Variants in CPQ observed in about 807,000 individuals in gnomAD.
CPQ encodes carboxypeptidase Q, also known as Ser-Met dipeptidase.
Under a neutral mutation model 45.7 loss-of-function variants are expected in CPQ, and 37 were observed. The observed-to-expected ratio is 0.81, with a 90% CI of 0.62 to 1.07. The LOEUF (loss-of-function observed/expected upper bound fraction) is 1.07, where lower values mean the gene tolerates loss of function less well. Among genes scored for constraint, CPQ ranks in the 50% least tolerant of loss-of-function variants. The pLI, the probability that CPQ is intolerant of heterozygous loss-of-function variation, is 0.00. For synonymous variants in CPQ, 186 were observed against 205.8 expected (o/e 0.90, Z 0.82); for missense variants, 537 against 572.9 (o/e 0.94, Z 0.64).
chr8:97,042,479 A>G (rs935846877), intron 6 of CPQ, among the ~76,000 whole-genome samples: 68 of 151,896 alleles, frequency 4.5e-4, no homozygotes, highest in African/African-American at 1.5e-3. Context: ...TTGTGTCTCT[A>G]TTTCCTTCAG....
chr8:96,941,467 G>C (rs1381659977), intron 4 of CPQ, among the ~76,000 whole-genome samples: 3 of 152,094 alleles, frequency 2.0e-5, no homozygotes, highest in Non-Finnish European at 2.9e-5. Flanking sequence ...TATTGCCCTA[G>C]TTTGCACTCT....
intron 7 of CPQ, 98 bp from the exon 8 acceptor site, chr8:97,142,922 T>G (rs1423375501): frequency 8.9e-7 from 1 of 1,124,062 alleles, no homozygotes; most frequent in African/African-American, 1.6e-5. Context: ...TATTGCAGAC[T>G]GTATAATAGG....
At chr8:97,000,649 G>T (rs1362653167) in intron 5 of CPQ, among the ~76,000 whole-genome samples, 1 of 152,018 alleles carries the variant, frequency 6.6e-6, no homozygotes, top group East Asian at 1.9e-4. Flanking sequence ...GTAGCCTGTA[G>T]CATAGTTTGA....
At chr8:96,905,537 G>A (rs1375634835) in intron 4 of CPQ, among the ~76,000 whole-genome samples, 2 of 152,148 alleles carry the variant, frequency 1.3e-5, no homozygotes, top group East Asian at 3.9e-4. Flanking sequence ...GGAGAGGTGT[G>A]TGAAGAAAGC....
chr8:96,663,243 T>C (rs1244965596), intron 1 of CPQ, among the ~76,000 whole-genome samples: 1 of 152,210 alleles, frequency 6.6e-6, no homozygotes, highest in Non-Finnish European at 1.5e-5. Context: ...AATGGGAGGC[T>C]GTGTGCTGGC....
intron 1 of CPQ, among the ~76,000 whole-genome samples, chr8:96,656,416 G>A (rs1334156494): frequency 6.6e-6 from 1 of 152,126 alleles, no homozygotes; most frequent in Non-Finnish European, 1.5e-5. Flanking sequence ...CTGGCTGGGT[G>A]GTACTACTTT....
chr8:96,718,337 TC>T (rs2130760165), intron 1 of CPQ, among the ~76,000 whole-genome samples: 2 of 152,290 alleles, frequency 1.3e-5, no homozygotes, highest in East Asian at 3.9e-4. Context: ...TGGAGTTTTT[TC>T]CTTCTGATGT....
intron 1 of CPQ, among the ~76,000 whole-genome samples, chr8:96,776,973 G>T (rs1009333046): frequency 3.3e-5 from 5 of 152,074 alleles, no homozygotes; most frequent in African/African-American, 7.2e-5. Flanking sequence ...TCAACCTTTT[G>T]TTTATAAGAA....
In CPQ at chr8:96,835,091, G is replaced by A. The variant is rs1274003972; in HGVS notation, c.552G>A (p.Val184=). The change falls in exon 3 of 8, where the codon GTG becomes GTA. Residue 184 remains valine (V), a synonymous_variant. Transcript: ENST00000220763. ...NQPYINYSRT[V]QYRTQGAVEA... ...CTTACATCAACTACTCAAGGACGGT[G>A]CAATACCGAACGCAGGGGGCGGTGG... 6.2e-7 allele frequency: 1 copy of A among 1,607,982 alleles called. No homozygotes were observed. Among genetic ancestry groups the A allele is most frequent in the Non-Finnish European group, 8.5e-7 (1 of 1,177,062 alleles).
chr8:97,106,733 G>C (rs111543043), intron 7 of CPQ, among the ~76,000 whole-genome samples: 29 of 152,222 alleles, frequency 1.9e-4, no homozygotes, highest in East Asian at 3.9e-4. Context: ...CAGATGGATC[G>C]CAAGTGAGTG....
chr8:97,134,210 C>G (rs1226427225), intron 7 of CPQ, among the ~76,000 whole-genome samples: 1 of 152,234 alleles, frequency 6.6e-6, no homozygotes. Context: ...TAAGCATCCA[C>G]TAAGTGCCAG....
rs147928579 is a variant in CPQ, at chr8:96,679,620, G to C, written c.-35+34218G>C. On this transcript the variant is annotated intron_variant, in intron 1 of 7. Transcript: ENST00000220763. Reference sequence around the variant, plus strand: ...AATTTTTATTCTGCTCAGGCTTTCTGTTTCTTCCTGGCTCATTCTTTGTAG... The same window carrying C: ...AATTTTTATTCTGCTCAGGCTTTCTCTTTCTTCCTGGCTCATTCTTTGTAG... Among the ~76,000 whole-genome samples the C allele has an allele frequency of 8.5e-5, 13 of 152,054 alleles. No homozygotes were observed. In the East Asian group the frequency reaches 2.5e-3, roughly 29 times the overall value.
intron 5 of CPQ, among the ~76,000 whole-genome samples, chr8:96,992,763 C>T (rs887992513): frequency 1.3e-5 from 2 of 152,042 alleles, no homozygotes; most frequent in African/African-American, 4.8e-5. Flanking sequence ...CTCTGTTTTC[C>T]ATAAATTAAC....
chr8:97,100,446 AG>A (rs1811284165), intron 7 of CPQ, among the ~76,000 whole-genome samples: 1 of 152,166 alleles, frequency 6.6e-6, no homozygotes, highest in Non-Finnish European at 1.5e-5. Flanking sequence ...AGCATGTTGC[AG>A]TGGGAAAGTG....
At chr8:96,794,970 C>T (rs1156978526) in intron 2 of CPQ, among the ~76,000 whole-genome samples, 4 of 152,170 alleles carry the variant, frequency 2.6e-5, no homozygotes, top group Non-Finnish European at 4.4e-5. Context: ...CAACAAGTCT[C>T]CAGGGAGTTC....
chr8:96,982,381 TC>T (rs1813916781), intron 5 of CPQ, among the ~76,000 whole-genome samples: 2 of 152,148 alleles, frequency 1.3e-5, no homozygotes, highest in Admixed American at 6.6e-5. Flanking sequence ...GAGTCTTGTC[TC>T]CCAGGCTACA....
intron 1 of CPQ, among the ~76,000 whole-genome samples, chr8:96,655,997 G>A (rs1020306223): frequency 3.9e-5 from 6 of 152,238 alleles, no homozygotes; most frequent in Admixed American, 6.5e-5. Flanking sequence ...TGGGACCACA[G>A]GTGTTTGCCA....
chr8:96,841,118 G>T (rs190895643), intron 3 of CPQ, among the ~76,000 whole-genome samples: 1 of 152,236 alleles, frequency 6.6e-6, no homozygotes, highest in Admixed American at 6.5e-5. Flanking sequence ...CCCAGCTTGG[G>T]GACAGGAGAA....
intron 1 of CPQ, among the ~76,000 whole-genome samples, chr8:96,716,319 T>C (rs542824356): frequency 6.6e-6 from 1 of 152,300 alleles, no homozygotes; most frequent in Non-Finnish European, 1.5e-5. Context: ...TTTTTATTTA[T>C]TTTTAAATTT....
Sources: gnomAD v4.1 joint callset for allele counts (sites outside exome capture counted in the v4.1 genomes callset) on GRCh38, gnomAD v4.1.1 for gene constraint, MANE v1.5 for transcripts, NCBI Gene and HGNC (gene_info 2026-07-23, HGNC 2026-07-21) for gene names.